EXT1: variants seen among roughly 807,000 people sequenced by gnomAD.
EXT1 encodes the protein exostosin glycosyltransferase 1.
Under a neutral mutation model 82.5 loss-of-function variants are expected in EXT1, and 20 were observed. That is an observed-to-expected ratio of 0.24 (90% CI 0.17 to 0.35). The LOEUF (loss-of-function observed/expected upper bound fraction) is 0.35. Ranked by LOEUF, EXT1 falls within the 10% of genes least tolerant of loss-of-function variation. EXT1 has a pLI of 1.00. For missense variants in EXT1, 757 were observed against 936.5 expected (o/e 0.81, Z 2.50); for synonymous variants, 348 against 350.8 (o/e 0.99, Z 0.09).
intron 1 of EXT1, among the ~76,000 whole-genome samples, chr8:117,928,388 T>C (rs1443276609): frequency 4.6e-5 from 7 of 152,234 alleles, no homozygotes. Flanking sequence ...TGCAGGCATG[T>C]ACATATGCAC....
chr8:117,835,877 G>A (rs1295833464), intron 2 of EXT1, among the ~76,000 whole-genome samples: 3 of 152,112 alleles, frequency 2.0e-5, no homozygotes, highest in Non-Finnish European at 4.4e-5. Flanking sequence ...ACAAAAGCTC[G>A]CACCAACAAA....
chr8:117,846,000 C>T (rs894304877), intron 1 of EXT1, among the ~76,000 whole-genome samples: 3 of 152,178 alleles, frequency 2.0e-5, no homozygotes, highest in South Asian at 2.1e-4. Context: ...GAAAGAGTAA[C>T]GAGGTGCCAG....
At chr8:117,912,421 C>A (rs1003505197) in intron 1 of EXT1, among the ~76,000 whole-genome samples, 2 of 152,112 alleles carry the variant, frequency 1.3e-5, no homozygotes, top group African/African-American at 4.8e-5. Context: ...GGGTAGGTAC[C>A]AATTTAGTAT....
At chr8:118,096,269 G>A (rs898561543) in intron 1 of EXT1, among the ~76,000 whole-genome samples, 5 of 152,048 alleles carry the variant, frequency 3.3e-5, no homozygotes, top group African/African-American at 1.2e-4. Context: ...AAAACCCTTT[G>A]GTTCATTTTA....
chr8:117,865,345 G>T (rs1175772457), intron 1 of EXT1, among the ~76,000 whole-genome samples: 2 of 152,098 alleles, frequency 1.3e-5, no homozygotes, highest in Non-Finnish European at 2.9e-5. Flanking sequence ...TTTTTTAAAG[G>T]TTTTTTGAAG....
intron 1 of EXT1, among the ~76,000 whole-genome samples, chr8:117,861,517 T>TGCATCAA (rs1365534881): frequency 0.026 from 3,093 of 118,080 alleles, 486 homozygotes; most frequent in Non-Finnish European, 0.036. Flanking sequence ...TTTTTTGAGA[T>TGCATCAA]AGAGTCTTGC....
At chr8:117,975,917 G>A (rs1008912227) in intron 1 of EXT1, among the ~76,000 whole-genome samples, 2 of 152,130 alleles carry the variant, frequency 1.3e-5, no homozygotes, top group Non-Finnish European at 2.9e-5. Flanking sequence ...GTTGACCCTC[G>A]ACGCTTATAT....
intron 1 of EXT1, among the ~76,000 whole-genome samples, chr8:118,021,163 G>A (rs1458338122): frequency 6.6e-6 from 1 of 152,178 alleles, no homozygotes; most frequent in Non-Finnish European, 1.5e-5. Context: ...TTAAAAGAGG[G>A]AGGCTTTAAT....
At chr8:117,888,129 T>C (rs1172311565) in intron 1 of EXT1, among the ~76,000 whole-genome samples, 3 of 151,210 alleles carry the variant, frequency 2.0e-5, no homozygotes, top group East Asian at 3.9e-4. Flanking sequence ...TAAATAAATA[T>C]AATGCCTCTT....
At position 118,015,383 on chromosome 8, in the gene EXT1, T is replaced by C. The variant is rs28357302; in HGVS notation, c.962+94702A>G. On this transcript the variant is annotated intron_variant, in intron 1 of 10. Transcript: ENST00000378204. ...GCAAAATGAACATGAAGACCATGAC[T>C]CGGTTACAAATATTTCAGGTTACAT... is the stretch of plus-strand genomic sequence containing the variant. Among the ~76,000 whole-genome samples the C allele has an allele frequency of 1.6e-4, 25 of 152,308 alleles. No homozygotes were observed. In the East Asian group the frequency reaches 4.4e-3, roughly 27 times the overall value.
intron 1 of EXT1, among the ~76,000 whole-genome samples, chr8:117,867,985 T>G (rs1413242400): frequency 6.6e-6 from 1 of 152,234 alleles, no homozygotes; most frequent in Admixed American, 6.5e-5. Flanking sequence ...ATAAGCACTT[T>G]TAATTATCTG....
At chr8:117,924,080 C>T (rs1295240174) in intron 1 of EXT1, among the ~76,000 whole-genome samples, 2 of 152,220 alleles carry the variant, frequency 1.3e-5, no homozygotes, top group East Asian at 1.9e-4. Context: ...CATGCTAGAA[C>T]TGGAGAATTT....
intron 1 of EXT1, among the ~76,000 whole-genome samples, chr8:118,079,691 A>T (rs1817276707): frequency 8.2e-6 from 1 of 122,100 alleles, no homozygotes; most frequent in African/African-American, 3.2e-5. Context: ...TTAGTTTCTC[A>T]ACATTCTGGA....
intron 1 of EXT1, among the ~76,000 whole-genome samples, chr8:118,029,026 T>C (rs571180342): frequency 2.6e-5 from 4 of 152,340 alleles, no homozygotes; most frequent in Non-Finnish European, 5.9e-5. Context: ...AATATATGAT[T>C]GTCTAGTTAG....
chr8:117,969,710 T>C (rs914679561), intron 1 of EXT1, among the ~76,000 whole-genome samples: 4 of 152,226 alleles, frequency 2.6e-5, no homozygotes, highest in African/African-American at 9.6e-5. Flanking sequence ...CGCACGCGTG[T>C]ATGTGCATGC....
chr8:117,910,004 G>C (rs191374000), intron 1 of EXT1, among the ~76,000 whole-genome samples: 1 of 152,172 alleles, frequency 6.6e-6, no homozygotes, highest in Non-Finnish European at 1.5e-5. Context: ...CTGACTTCAA[G>C]TGGTCCACCC....
chr8:117,828,316 C>T (rs992267577), intron 4 of EXT1, among the ~76,000 whole-genome samples: 5 of 152,130 alleles, frequency 3.3e-5, no homozygotes, highest in Non-Finnish European at 5.9e-5. Flanking sequence ...TTTGGGTAGT[C>T]GAGGCAGGAG....
chr8:117,846,602 C>G (rs554527616), intron 1 of EXT1, among the ~76,000 whole-genome samples: 1 of 152,304 alleles, frequency 6.6e-6, no homozygotes, highest in East Asian at 1.9e-4. Context: ...AAAGAGCCAG[C>G]AGCAACAGTG....
intron 1 of EXT1, among the ~76,000 whole-genome samples, chr8:117,857,608 G>A (rs906836446): frequency 2.5e-4 from 38 of 152,078 alleles, no homozygotes; most frequent in African/African-American, 8.7e-4. Context: ...GCTGAGGCAG[G>A]AGGGTCACTT....
Sources: allele counts gnomAD v4.1 joint callset (sites outside exome capture counted in the v4.1 genomes callset), GRCh38; gene constraint gnomAD v4.1.1; transcripts MANE v1.5; gene names NCBI Gene and HGNC (gene_info 2026-07-23, HGNC 2026-07-21).